Variants in SLC45A2 observed in about 807,000 individuals in gnomAD.
SLC45A2 encodes the protein membrane-associated transporter protein.
Under a neutral mutation model 45.5 loss-of-function variants are expected in SLC45A2, and 36 were observed. The ratio of observed to expected loss-of-function variants is 0.79; its 90% CI spans 0.61 to 1.04. The LOEUF (loss-of-function observed/expected upper bound fraction) is 1.04, where lower values mean the gene tolerates loss of function less well. Ranked by LOEUF, SLC45A2 falls within the 50% of genes least tolerant of loss-of-function variation. The pLI is 0.00. For missense variants in SLC45A2, 719 were observed against 671.0 expected (o/e 1.07, Z -0.79); for synonymous variants, 306 against 269.3 (o/e 1.14, Z -1.33).
intron 2 of SLC45A2, among the ~76,000 whole-genome samples, chr5:33,967,863 AT>A (rs1752647799): frequency 6.6e-6 from 1 of 151,604 alleles, no homozygotes; most frequent in East Asian, 1.9e-4. Context: ...AACTCTTCTT[AT>A]ATCTTCCCCA....
In SLC45A2 at chr5:33,973,433, T is replaced by C. The variant is rs556743657; in HGVS notation, c.562+8803A>G. On this transcript the variant is annotated intron_variant, in intron 2 of 6. Transcript: ENST00000296589. ...ATGGGTGGAACTTCAAAGGTTTTGTTTGATGAAACAAAACCACTCATCTAA... is the reference window on the plus strand; with the variant it reads ...ATGGGTGGAACTTCAAAGGTTTTGTCTGATGAAACAAAACCACTCATCTAA... Among the ~76,000 whole-genome samples the C allele has an allele frequency of 3.3e-5, 5 of 152,262 alleles. No individual in the cohort carries two copies. The East Asian group carries it at 9.7e-4, about 29-fold the overall frequency.
In SLC45A2 at chr5:33,982,322, A is replaced by G; in HGVS notation, c.476T>C (p.Ile159Thr). ...VVLFDFAADF[I>T]DGPIKAYLFD... ...TAAGTAGGCTTTGATGGGCCCATCA[A>G]TGAAGTCGGCAGCAAAATCAAAGAG... Residue 159 changes from isoleucine (I) to threonine (T), a missense_variant, in exon 2 of 7, where the codon ATT becomes ACT. Transcript: ENST00000296589. 6.2e-7 allele frequency: 1 copy of G among 1,614,208 alleles called. No homozygotes were observed. The highest frequency in any genetic ancestry group is 2.2e-5 in the East Asian group (1 of 44,884).
intron 2 of SLC45A2, among the ~76,000 whole-genome samples, chr5:33,979,636 A>G (rs1753018141): frequency 6.6e-6 from 1 of 152,146 alleles, no homozygotes; most frequent in Non-Finnish European, 1.5e-5. Context: ...AGGGCCTGCT[A>G]TGTTATCATG....
intron 3 of SLC45A2, among the ~76,000 whole-genome samples, chr5:33,956,072 A>T (rs1752267754): frequency 6.6e-6 from 1 of 152,212 alleles, no homozygotes; most frequent in Admixed American, 6.5e-5. Flanking sequence ...GCAAATAAAA[A>T]AGTTAATCTT....
chr5:33,971,370 C>T, intron 2 of SLC45A2: 1 of 492,704 alleles, frequency 2.0e-6, no homozygotes, highest in Non-Finnish European at 4.0e-6. Flanking sequence ...GTTATGTGGA[C>T]CACCATAAAC....
At chr5:33,968,388 G>C (rs1561366920) in intron 2 of SLC45A2, among the ~76,000 whole-genome samples, 2 of 152,146 alleles carry the variant, frequency 1.3e-5, no homozygotes, top group African/African-American at 4.8e-5. Context: ...CAATCACCAG[G>C]CTATTGGGCA....
At position 33,973,810 on chromosome 5, in the gene SLC45A2, T is replaced by A. The variant is rs1236157727; in HGVS notation, c.562+8426A>T. Among the ~76,000 whole-genome samples, 3 of 140,884 alleles carry A rather than the reference T, an allele frequency of 2.1e-5. No individual in the cohort carries two copies. The Admixed American group carries it at 2.1e-4, about 10-fold the overall frequency. The allele number at this position is 140,884 out of a possible 152,430, so 92.4% of individuals were successfully genotyped here. ...TATAAACATTTGGCGTTTCATCTCT[T>A]TGGGTTAGATGAAATCCTTTAGATG... On this transcript the variant is annotated intron_variant, in intron 2 of 6. Transcript: ENST00000296589.
intron 3 of SLC45A2, among the ~76,000 whole-genome samples, chr5:33,956,993 A>T (rs1478830261): frequency 1.3e-5 from 2 of 152,192 alleles, no homozygotes; most frequent in Non-Finnish European, 2.9e-5. Flanking sequence ...GTAAAAAATG[A>T]ATATATAGGC....
intron 3 of SLC45A2, among the ~76,000 whole-genome samples, chr5:33,963,310 A>T (rs1752501714): frequency 6.6e-6 from 1 of 152,196 alleles, no homozygotes; most frequent in East Asian, 1.9e-4. Flanking sequence ...TGCCCAACTC[A>T]GTCACCAACC....
At chr5:33,982,119 C>G in intron 2 of SLC45A2, 117 bp downstream of exon 2, 1 of 1,141,332 alleles carries the variant, frequency 8.8e-7, no homozygotes, top group Non-Finnish European at 1.3e-6. Context: ...ACGGGAGCAG[C>G]CCATCAGCTG....
At chr5:33,952,669 CA>C (rs1348940762) in intron 4 of SLC45A2, among the ~76,000 whole-genome samples, 4 of 130,954 alleles carry the variant, frequency 3.1e-5, no homozygotes, top group African/African-American at 1.1e-4. Context: ...TTCTATTGAG[CA>C]AAAGTTTTTT....
At chr5:33,982,128 T>G in intron 2 of SLC45A2, 108 bp downstream of exon 2, 1 of 1,258,102 alleles carries the variant, frequency 7.9e-7, no homozygotes, top group Non-Finnish European at 1.2e-6. Context: ...GCCCATCAGC[T>G]GACCCGTTCA....
intron 2 of SLC45A2, among the ~76,000 whole-genome samples, chr5:33,967,310 T>G (rs1752628552): frequency 6.6e-6 from 1 of 152,236 alleles, no homozygotes; most frequent in African/African-American, 2.4e-5. Context: ...ACTTGGAAAG[T>G]GTAAAAATTG....
chr5:33,948,974 C>G (rs1334971148), intron 5 of SLC45A2, among the ~76,000 whole-genome samples: 3 of 152,174 alleles, frequency 2.0e-5, no homozygotes, highest in South Asian at 2.1e-4. Context: ...GTCTGATACC[C>G]AGTGGTAGTC....
At position 33,947,335 on chromosome 5, in the gene SLC45A2, C is replaced by G. The variant is rs145071815; in HGVS notation, c.1196G>C (p.Gly399Ala). 5.6e-6 allele frequency: 9 copies of G among 1,614,086 alleles called. No individual in the cohort carries two copies. Among genetic ancestry groups the G allele is most frequent in the Non-Finnish European group, 6.8e-6 (8 of 1,180,058 alleles). The change falls in exon 6 of 7, where the codon GGT (glycine) becomes GCT (alanine). Residue 399 changes from glycine to alanine, a missense_variant. Coordinates refer to ENST00000296589, the MANE Select transcript of SLC45A2 (RefSeq NM_016180.5). ...CAGCAAATATCCCGTGAAGTAAAGA[C>G]CCTTTAATCCAATGTAGGATACCAA... ...KVLVSYIGLKGLYFTGYLLFG... is the reference protein window; with the variant it reads ...KVLVSYIGLKALYFTGYLLFG...
intron 2 of SLC45A2, among the ~76,000 whole-genome samples, chr5:33,980,350 T>C (rs1476885916): frequency 1.3e-5 from 2 of 151,950 alleles, no homozygotes; most frequent in East Asian, 3.9e-4. Flanking sequence ...AAGCCAGCAA[T>C]ATGATGTCAA....
At position 33,947,039 on chromosome 5, in the gene SLC45A2, T is replaced by G. The variant is rs1579531782; in HGVS notation, c.1368+124A>C. 1.9e-6 allele frequency: 3 copies of G among 1,606,728 alleles called. 1 individual carries two copies. The Admixed American group carries it at 5.0e-5, about 27-fold the overall frequency. The stretch of plus-strand genomic sequence containing the variant: ...GATCATGGTTGCAGTTGGTTGGGCA[T>G]TTGACTGTTGCTGTTTCAAGAACCC... On this transcript the variant is annotated intron_variant, in intron 6 of 6. Coordinates refer to ENST00000296589, the MANE Select transcript of SLC45A2 (RefSeq NM_016180.5).
chr5:33,954,534 T>C, intron 3 of SLC45A2, 30 bp from the exon 4 acceptor site: 1 of 1,612,552 alleles, frequency 6.2e-7, no homozygotes, highest in Non-Finnish European at 8.5e-7. Context: ...AGAGGTGTGA[T>C]CTTCACTGCA....
chr5:33,984,498 T>G lies in SLC45A2; in HGVS notation c.86A>C (p.Lys29Thr), dbSNP rs199882086. Residue 29 changes from lysine (K) to threonine (T), a missense_variant, in exon 1 of 7, where the codon AAA (lysine) becomes ACA (threonine). Coordinates refer to ENST00000296589, the MANE Select transcript of SLC45A2 (RefSeq NM_016180.5). ...CATGATGAGTCTGCTGGTGGGTCTTTTAGGCGGCTCCACAGAGTCAAAGGG... is the reference window on the plus strand; with the variant it reads ...CATGATGAGTCTGCTGGTGGGTCTTGTAGGCGGCTCCACAGAGTCAAAGGG... Reference protein sequence around the residue: ...DGPFDSVEPPKRPTSRLIMHS... With the variant: ...DGPFDSVEPPTRPTSRLIMHS... 1 of 1,613,232 alleles carries G rather than the reference T, an allele frequency of 6.2e-7. No individual in the cohort carries two copies. The highest frequency in any genetic ancestry group is 1.7e-5 in the Admixed American group (1 of 60,010).
Sources: allele counts gnomAD v4.1 joint callset (sites outside exome capture counted in the v4.1 genomes callset), GRCh38; gene constraint gnomAD v4.1.1; transcripts MANE v1.5; gene names NCBI Gene and HGNC (gene_info 2026-07-23, HGNC 2026-07-21).